FANCC: variants seen among roughly 807,000 people sequenced by gnomAD.
FANCC encodes FA complementation group C, also known as Fanconi anemia group C protein.
In FANCC, 55 loss-of-function variants were observed where a neutral mutation model predicts 71.3. That is an observed-to-expected ratio of 0.77 (90% CI 0.62 to 0.97). The LOEUF (loss-of-function observed/expected upper bound fraction) is 0.97, where lower values mean the gene tolerates loss of function less well. FANCC is among the 50% of genes least tolerant of loss of function. The probability of loss-of-function intolerance (pLI) is 0.00; values close to 1 mark genes in which losing one functional copy is unlikely to be tolerated. For missense variants in FANCC, 678 were observed against 670.9 expected, an observed-to-expected ratio of 1.01 and a Z score of -0.12; for synonymous variants, 275 against 244.9, an observed-to-expected ratio of 1.12 and a Z score of -1.15.
At chr9:95,114,519 A>G (rs2072231458) in intron 12 of FANCC, 110 bp downstream of exon 12, 1 of 968,734 alleles carries the variant, frequency 1.0e-6, no homozygotes, top group Non-Finnish European at 1.7e-6. Context: ...CTGTTTGGTG[A>G]TGGTCCCAGA....
At position 95,288,725 on chromosome 9, in the gene FANCC, T is replaced by C. The variant is rs902021633; in HGVS notation, c.-79+28801A>G. Among the ~76,000 whole-genome samples the C allele has an allele frequency of 4.0e-5, 6 of 151,826 alleles. No individual in the cohort carries two copies. The East Asian group carries it at 1.2e-3, about 29-fold the overall frequency. On this transcript the variant is annotated intron_variant, in intron 1 of 14. Coordinates refer to ENST00000289081, the MANE Select transcript of FANCC (RefSeq NM_000136.3). The stretch of plus-strand genomic sequence containing the variant: ...TCCAGTGCTTCTATTTGATCACACA[T>C]AGGGCATTTCACTTTTTTTTTTTTT...
At chr9:95,248,619 T>C (rs1206956421) in intron 2 of FANCC, among the ~76,000 whole-genome samples, 1 of 151,970 alleles carries the variant, frequency 6.6e-6, no homozygotes, top group Non-Finnish European at 1.5e-5. Flanking sequence ...ATATCTATCA[T>C]AATAAAAGAA....
intron 8 of FANCC, among the ~76,000 whole-genome samples, chr9:95,135,121 C>T (rs561649777): frequency 3.9e-5 from 6 of 152,220 alleles, no homozygotes; most frequent in South Asian, 4.2e-4. Flanking sequence ...ATGTGATATA[C>T]GGCATATCAA....
intron 6 of FANCC, among the ~76,000 whole-genome samples, chr9:95,157,083 C>T (rs904205153): frequency 1.3e-5 from 2 of 152,164 alleles, no homozygotes; most frequent in Non-Finnish European, 2.9e-5. Flanking sequence ...CCAAGAGCTC[C>T]CAAACTTAAG....
intron 3 of FANCC, among the ~76,000 whole-genome samples, chr9:95,244,493 C>G (rs1287707986): frequency 6.6e-6 from 1 of 151,936 alleles, no homozygotes; most frequent in Non-Finnish European, 1.5e-5. Flanking sequence ...TCCTGGCTAA[C>G]ACGGTGAAAC....
chr9:95,287,481 G>A (rs1162762817), intron 1 of FANCC, among the ~76,000 whole-genome samples: 3 of 152,160 alleles, frequency 2.0e-5, no homozygotes, highest in Admixed American at 2.0e-4. Flanking sequence ...GATCCTTCCA[G>A]CTGTCAGAGG....
At chr9:95,219,379 G>C (rs997662912) in intron 4 of FANCC, among the ~76,000 whole-genome samples, 1 of 152,158 alleles carries the variant, frequency 6.6e-6, no homozygotes. Context: ...TGCCAAAAAA[G>C]TGTAAGACCT....
At chr9:95,294,875 G>A (rs1367355159) in intron 1 of FANCC, 17 of 1,390,526 alleles carry the variant, frequency 1.2e-5, no homozygotes, top group South Asian at 3.1e-5. Flanking sequence ...AACTACGGAC[G>A]GGGGACAACA....
Position 95,112,822 on chromosome 9 carries a change from G to A in FANCC, c.1155-1185C>T, listed in dbSNP as rs1455441224. Among the ~76,000 whole-genome samples the A allele has an allele frequency of 3.3e-5, 5 of 152,336 alleles. No individual in the cohort carries two copies. In the East Asian group the frequency reaches 9.6e-4, roughly 29 times the overall value. The stretch of plus-strand genomic sequence containing the variant: ...AAGGTATCTCATGGCTCCAAGGTCT[G>A]GATTGAAGTGGGAGCCCCACGAGGT... On this transcript the variant is annotated intron_variant, in intron 12 of 14. Transcript: ENST00000289081.
At position 95,114,635 on chromosome 9, in the gene FANCC, G is replaced by A. The variant is rs534854927; in HGVS notation, c.1148C>T (p.Thr383Ile). 6.2e-7 allele frequency: 1 copy of A among 1,613,864 alleles called. No individual in the cohort carries two copies. The highest frequency in any genetic ancestry group is 8.5e-7 in the Non-Finnish European group (1 of 1,179,724). The stretch of plus-strand genomic sequence containing the variant: ...GTGGTCAGTGTTTGCTCACCCATGA[G>A]TCTGGTCTTCAACTGCTTCTCTGAG... ...ELLREAVEDQTHGSCGGPFES... is the reference protein window; with the variant it reads ...ELLREAVEDQIHGSCGGPFES... The change falls in exon 12 of 15, where the codon ACT becomes ATT. Residue 383 changes from threonine (T) to isoleucine (I), a missense_variant. By Grantham distance (89) the Thr-to-Ile change is moderately conservative. Coordinates refer to ENST00000289081, the MANE Select transcript of FANCC (RefSeq NM_000136.3).
At chr9:95,157,170 T>G (rs1163117865) in intron 6 of FANCC, among the ~76,000 whole-genome samples, 1 of 152,194 alleles carries the variant, frequency 6.6e-6, no homozygotes, top group Non-Finnish European at 1.5e-5. Context: ...TTATTTTTTC[T>G]AATTTTTTAG....
chr9:95,115,333 C>CT (rs1009355329), intron 11 of FANCC, among the ~76,000 whole-genome samples: 3 of 152,138 alleles, frequency 2.0e-5, no homozygotes, highest in Non-Finnish European at 2.9e-5. Context: ...TGCGGATGCC[C>CT]TAGGTTTCTT....
In FANCC at chr9:95,316,136, T is replaced by C. The variant is rs561692773; in HGVS notation, c.-79+1390A>G. On this transcript the variant is annotated intron_variant, in intron 1 of 14. Coordinates refer to ENST00000289081, the MANE Select transcript of FANCC (RefSeq NM_000136.3). ...AAATTCGAATGTATAATATACAAAG[T>C]ATAATTAGTCCAGTTCTCAAGAAGC... 2.5e-3 allele frequency among the ~76,000 whole-genome samples: 383 copies of C among 152,354 alleles called. 1 individual carries two copies. Among genetic ancestry groups the C allele is most frequent in the Non-Finnish European group, 4.4e-3 (298 of 68,042 alleles).
chr9:95,158,396 G>A (rs1830561217), intron 6 of FANCC, among the ~76,000 whole-genome samples: 1 of 152,096 alleles, frequency 6.6e-6, no homozygotes, highest in Admixed American at 6.5e-5. Context: ...ACTATGGAAG[G>A]TAAATGTTGA....
intron 3 of FANCC, among the ~76,000 whole-genome samples, chr9:95,242,949 G>T (rs1830723651): frequency 6.6e-6 from 1 of 152,230 alleles, no homozygotes; most frequent in Admixed American, 6.5e-5. Context: ...GACAGTCACT[G>T]ACAGCCCATC....
intron 6 of FANCC, among the ~76,000 whole-genome samples, chr9:95,160,133 T>C (rs1830662162): frequency 6.6e-6 from 1 of 152,212 alleles, no homozygotes; most frequent in Admixed American, 6.5e-5. Flanking sequence ...ATTGCCTAGA[T>C]TTTCTTCTAG....
Position 95,254,297 on chromosome 9 carries a change from G to A in FANCC, c.-78-4928C>T, listed in dbSNP as rs370416568. On this transcript the variant is annotated intron_variant, in intron 1 of 14. Transcript: ENST00000289081. ...ACCTCCACAGGCTGGCAAGATGGCCGAATAGGAACAGCTCTGGTCTGCAGC... is the reference window on the plus strand; with the variant it reads ...ACCTCCACAGGCTGGCAAGATGGCCAAATAGGAACAGCTCTGGTCTGCAGC... 4.7e-4 allele frequency among the ~76,000 whole-genome samples: 72 copies of A among 152,350 alleles called. No homozygotes were observed. The East Asian group carries it at 5.0e-3, about 11-fold the overall frequency.
intron 4 of FANCC, among the ~76,000 whole-genome samples, chr9:95,193,279 T>C (rs1189675686): frequency 6.6e-6 from 1 of 152,092 alleles, no homozygotes; most frequent in African/African-American, 2.4e-5. Flanking sequence ...GAAAAGAGCA[T>C]GCAAACAGCT....
intron 4 of FANCC, among the ~76,000 whole-genome samples, chr9:95,193,953 T>C (rs1393638185): frequency 1.3e-5 from 2 of 152,166 alleles, no homozygotes; most frequent in Non-Finnish European, 2.9e-5. Flanking sequence ...ATTTAAGCCA[T>C]GACACCACTT....
Sources: allele counts gnomAD v4.1 joint callset (sites outside exome capture counted in the v4.1 genomes callset), GRCh38; gene constraint gnomAD v4.1.1; transcripts MANE v1.5; gene names NCBI Gene and HGNC (gene_info 2026-07-23, HGNC 2026-07-21).